The following HECTD4 variants were observed in gnomAD, a reference collection of about 807,000 sequenced individuals.
The protein encoded by HECTD4 is HECT domain E3 ubiquitin protein ligase 4.
HECTD4 carries 114 observed loss-of-function variants against 471.5 expected under a neutral mutation model. The ratio of observed to expected loss-of-function variants is 0.24; its 90% CI spans 0.21 to 0.28. HECTD4 has a LOEUF of 0.28. HECTD4 is among the 10% of genes least tolerant of loss of function. HECTD4 has a pLI of 1.00. For missense variants in HECTD4, 3,866 were observed against 5,651.5 expected (o/e 0.68, Z 10.13); for synonymous variants, 2,012 against 2,256.0 (o/e 0.89, Z 3.07).
intron 1 of HECTD4, among the ~76,000 whole-genome samples, chr12:112,339,272 A>G (rs1029899844): frequency 6.6e-6 from 1 of 150,848 alleles, no homozygotes. Flanking sequence ...ATAGTGACAC[A>G]TATCAACACA....
chr12:112,171,404 T>C (rs1193759310), intron 67 of HECTD4, 141 bp from the exon 68 acceptor site: 3 of 1,365,610 alleles, frequency 2.2e-6, no homozygotes, highest in Non-Finnish European at 3.0e-6. Flanking sequence ...TGTCAGTGAG[T>C]GAGCGGCCCC....
At chr12:112,292,815 G>A (rs2034916487) in intron 7 of HECTD4, among the ~76,000 whole-genome samples, 1 of 152,156 alleles carries the variant, frequency 6.6e-6, no homozygotes, top group South Asian at 2.1e-4. Context: ...AAGGTCAGGA[G>A]TTTGAGACCA....
At position 112,252,429 on chromosome 12, in the gene HECTD4, C is replaced by T. The variant is rs773331493; in HGVS notation, c.3547G>A (p.Ala1183Thr). 15 of 1,597,022 alleles carry T rather than the reference C, an allele frequency of 9.4e-6. No homozygotes were observed. Among genetic ancestry groups the T allele is most frequent in the Non-Finnish European group, 1.3e-5 (15 of 1,174,178 alleles). The part of the protein sequence containing the change: ...AMWGFACTVR[A>T]QESSEDVSGG... ...CAGTGGTTAGATTCAAGTACCTGAG[C>T]GCGAACTGTGCAAGCAAAGCCCCAC... Residue 1183 changes from alanine to threonine, a missense_variant, in exon 23 of 76, where the codon GCT (alanine) becomes ACT (threonine). Physicochemically the swap from Ala to Thr is moderately conservative, Grantham distance 58. Transcript: ENST00000682272.
chr12:112,370,665 A>C (rs1449643885), intron 1 of HECTD4, among the ~76,000 whole-genome samples: 1 of 152,200 alleles, frequency 6.6e-6, no homozygotes, highest in East Asian at 1.9e-4. Flanking sequence ...AATTTTCACT[A>C]ATTTAGCCAG....
At chr12:112,373,611 A>C (rs944027349) in intron 1 of HECTD4, among the ~76,000 whole-genome samples, 1 of 152,196 alleles carries the variant, frequency 6.6e-6, no homozygotes, top group Admixed American at 6.5e-5. Flanking sequence ...AAAATAATGG[A>C]TGTGAAGTAC....
intron 7 of HECTD4, among the ~76,000 whole-genome samples, chr12:112,283,516 A>C (rs980393769): frequency 8.5e-5 from 13 of 152,208 alleles, no homozygotes; most frequent in African/African-American, 2.9e-4. Flanking sequence ...AATAGCTATA[A>C]TGTTTAATAG....
At chr12:112,326,092 A>G (rs1209710400) in intron 1 of HECTD4, among the ~76,000 whole-genome samples, 1 of 152,188 alleles carries the variant, frequency 6.6e-6, no homozygotes, top group East Asian at 1.9e-4. Context: ...CCTGGCCAAC[A>G]TAAGTGTTTT....
At chr12:112,312,967 T>A in intron 4 of HECTD4, 50 bp downstream of exon 4, 3 of 1,491,286 alleles carry the variant, frequency 2.0e-6, no homozygotes, top group Non-Finnish European at 2.7e-6. Context: ...ATCTAAAACC[T>A]CTTTATTTAC....
At chr12:112,331,465 C>A (rs1566114588) in intron 1 of HECTD4, among the ~76,000 whole-genome samples, 1 of 152,142 alleles carries the variant, frequency 6.6e-6, no homozygotes, top group Non-Finnish European at 1.5e-5. Context: ...CCAGCCTCTG[C>A]AAATAACTCT....
chr12:112,254,188 G>C (rs1346297998), intron 21 of HECTD4, 26 bp from the exon 22 acceptor site: 2 of 1,602,410 alleles, frequency 1.2e-6, no homozygotes, highest in Non-Finnish European at 1.7e-6. Context: ...TATACTGTTA[G>C]ACTGTAAAAG....
At position 112,212,526 on chromosome 12, in the gene HECTD4, G is replaced by C. The variant is rs1392415660; in HGVS notation, c.7590C>G (p.Val2530=). 1.2e-6 allele frequency: 2 copies of C among 1,613,704 alleles called. No individual in the cohort carries two copies. The highest frequency in any genetic ancestry group is 1.7e-6 in the Non-Finnish European group (2 of 1,179,764). The change falls in exon 49 of 76, where the codon GTC becomes GTG. Residue 2530 remains valine (V), a synonymous_variant. Coordinates refer to ENST00000682272, the MANE Select transcript of HECTD4 (RefSeq NM_001388303.1). ...GQRLSPYLED[V]SGGMWPVVHI... ...GAACCACTGGCCACATGCCACCAGA[G>C]ACGTCTTCAAGATATGGTGAGAGGC...
intron 1 of HECTD4, among the ~76,000 whole-genome samples, chr12:112,353,067 T>G (rs999189824): frequency 2.0e-5 from 3 of 152,232 alleles, no homozygotes; most frequent in Non-Finnish European, 2.9e-5. Flanking sequence ...ACTAAGTCCT[T>G]GCTTTACCCC....
intron 16 of HECTD4, among the ~76,000 whole-genome samples, chr12:112,264,497 C>T (rs1044382948): frequency 6.6e-6 from 1 of 152,092 alleles, no homozygotes; most frequent in Non-Finnish European, 1.5e-5. Context: ...TCACACACAT[C>T]TCCATTATAG....
chr12:112,233,425 G>C, intron 37 of HECTD4, among the ~76,000 whole-genome samples: 1 of 151,632 alleles, frequency 6.6e-6, no homozygotes, highest in East Asian at 1.9e-4. Context: ...ATCTCACTAT[G>C]TTGCCCAGGC....
intron 45 of HECTD4, 82 bp from the exon 46 acceptor site, chr12:112,217,277 C>T: frequency 8.5e-7 from 1 of 1,179,308 alleles, no homozygotes; most frequent in Middle Eastern, 3.0e-4. Flanking sequence ...AAAATTTTAT[C>T]TGATGGTATT....
chr12:112,372,471 G>C lies in HECTD4; in HGVS notation c.177+9481C>G, dbSNP rs7969909. On this transcript the variant is annotated intron_variant, in intron 1 of 75. Transcript: ENST00000682272. ...AGAGACGGGGTTTCACCGTGTTAGC[G>C]AAGATGGTCTCGATCTCCTGACCTC... is the stretch of plus-strand genomic sequence containing the variant. Among the ~76,000 whole-genome samples, 3 of 150,704 alleles carry C rather than the reference G, an allele frequency of 2.0e-5. No homozygotes were observed. In the East Asian group the frequency reaches 5.9e-4, roughly 30 times the overall value.
chr12:112,244,702 A>AT (rs375281996), intron 29 of HECTD4, among the ~76,000 whole-genome samples: 2,630 of 151,988 alleles, frequency 0.017, 27 homozygotes, highest in Non-Finnish European at 0.028. Flanking sequence ...ATCCAAATCC[A>AT]TTTTTTTCAG....
chr12:112,299,798 A>G (rs776002111), intron 7 of HECTD4, among the ~76,000 whole-genome samples: 1 of 152,192 alleles, frequency 6.6e-6, no homozygotes, highest in Non-Finnish European at 1.5e-5. Flanking sequence ...TTTAATGTAG[A>G]GCAGGTTCCT....
chr12:112,256,564 G>C, intron 20 of HECTD4, 46 bp from the exon 21 acceptor site: 1 of 1,343,904 alleles, frequency 7.4e-7, no homozygotes, highest in Non-Finnish European at 9.9e-7. Flanking sequence ...GCCAAGGAAA[G>C]GAAAAACAAT....
Sources: gnomAD v4.1 joint callset for allele counts (sites outside exome capture counted in the v4.1 genomes callset) on GRCh38, gnomAD v4.1.1 for gene constraint, MANE v1.5 for transcripts, NCBI Gene and HGNC (gene_info 2026-07-23, HGNC 2026-07-21) for gene names.